ENPP3: variants seen among roughly 807,000 people sequenced by gnomAD.
ENPP3 encodes ectonucleotide pyrophosphatase/phosphodiesterase family member 3.
Under a neutral mutation model 117.8 loss-of-function variants are expected in ENPP3, and 104 were observed. The observed-to-expected ratio is 0.88, with a 90% CI of 0.75 to 1.04. The LOEUF (loss-of-function observed/expected upper bound fraction) is 1.04. ENPP3 is among the 50% of genes least tolerant of loss of function. The pLI, the probability that ENPP3 is intolerant of heterozygous loss-of-function variation, is 0.00. For synonymous variants in ENPP3, 380 were observed against 349.9 expected (o/e 1.09, Z -0.96); for missense variants, 1,026 against 1,051.9 (o/e 0.98, Z 0.34).
rs532663492 is a variant in ENPP3 at position 131,730,184 on chromosome 6, A to G, written c.1954-3404A>G. Among the ~76,000 whole-genome samples, 20 of 152,320 alleles carry G rather than the reference A, an allele frequency of 1.3e-4. No homozygotes were observed. In the South Asian group the frequency reaches 3.7e-3, roughly 28 times the overall value. On this transcript the variant is annotated intron_variant, in intron 20 of 24. Transcript: ENST00000357639. ...GAGTACAACGATAAAGATGTGTGTT[A>G]GGAAATATCAAACTCACAATATACC...
chr6:131,726,797 T>C (rs1430252854), intron 20 of ENPP3, among the ~76,000 whole-genome samples: 1 of 152,164 alleles, frequency 6.6e-6, no homozygotes, highest in Non-Finnish European at 1.5e-5. Context: ...TCTGGCATAT[T>C]CTCTTGCACT....
chr6:131,654,739 G>A (rs1182520623), intron 5 of ENPP3, among the ~76,000 whole-genome samples: 2 of 151,104 alleles, frequency 1.3e-5, no homozygotes, highest in African/African-American at 4.9e-5. Flanking sequence ...TGCTGTGTCT[G>A]GCCCAGTGGA....
At chr6:131,745,320 G>C (rs368692897) in intron 24 of ENPP3, among the ~76,000 whole-genome samples, 3 of 151,484 alleles carry the variant, frequency 2.0e-5, no homozygotes, top group African/African-American at 7.3e-5. Flanking sequence ...TGCTTTAATG[G>C]TTAGGAACAA....
intron 14 of ENPP3, among the ~76,000 whole-genome samples, chr6:131,686,328 G>A (rs565353018): frequency 6.8e-4 from 104 of 152,090 alleles, no homozygotes; most frequent in African/African-American, 2.3e-3. Context: ...AACTGCTTTC[G>A]ATTGGTTCCC....
intron 16 of ENPP3, 52 bp downstream of exon 16, chr6:131,718,790 T>A: frequency 9.2e-7 from 1 of 1,086,492 alleles, no homozygotes; most frequent in Non-Finnish European, 1.4e-6. Context: ...GGGGTACATG[T>A]ACAGAATGTG....
chr6:131,706,697 C>CT lies in ENPP3; in HGVS notation c.1413-11974dup, dbSNP rs1779645456. On this transcript the variant is annotated intron_variant, in intron 15 of 24. Transcript: ENST00000357639. ...TTTATTATGCATCAACTGATATAAT[C>CT]TAACTTTCCTTCTTTTGTTTGTTAA... is the stretch of plus-strand genomic sequence containing the variant. Among the ~76,000 whole-genome samples, 31 of 130,138 alleles carry CT rather than the reference C, an allele frequency of 2.4e-4. 1 individual carries two copies. The highest frequency in any genetic ancestry group is 1.0e-4 in the Non-Finnish European group (6 of 59,460). 85.4% of individuals were successfully genotyped at this position (130,138 alleles called of 152,430 possible).
intron 6 of ENPP3, among the ~76,000 whole-genome samples, chr6:131,667,092 A>C (rs1028824357): frequency 6.6e-6 from 1 of 152,170 alleles, no homozygotes; most frequent in Non-Finnish European, 1.5e-5. Flanking sequence ...TCCCCAGAGA[A>C]AAGTTGGGGT....
intron 6 of ENPP3, among the ~76,000 whole-genome samples, chr6:131,663,906 C>A (rs1041555176): frequency 2.6e-5 from 4 of 152,046 alleles, no homozygotes; most frequent in African/African-American, 9.7e-5. Context: ...ATACTATACT[C>A]TTTTCAAAAG....
intron 5 of ENPP3, among the ~76,000 whole-genome samples, chr6:131,653,306 T>C (rs1050113108): frequency 7.1e-6 from 1 of 140,242 alleles, no homozygotes; most frequent in African/African-American, 2.9e-5. Flanking sequence ...TTTTTTATTT[T>C]TCTCTCTTTT....
chr6:131,673,698 AAGACAGAC>A (rs57685956), intron 7 of ENPP3, among the ~76,000 whole-genome samples: 26 of 151,088 alleles, frequency 1.7e-4, no homozygotes, highest in Admixed American at 9.2e-4. Flanking sequence ...AGAGAAAGAA[AAGACAGAC>A]AGACAGACAG....
At chr6:131,685,600 C>T in intron 13 of ENPP3, 105 bp downstream of exon 13, 1 of 1,104,534 alleles carries the variant, frequency 9.1e-7, no homozygotes, top group Non-Finnish European at 1.3e-6. Flanking sequence ...CCTCTACTGA[C>T]TTCTTGAGAA....
chr6:131,686,534 G>C (rs1779157808), intron 14 of ENPP3, among the ~76,000 whole-genome samples: 1 of 151,994 alleles, frequency 6.6e-6, no homozygotes, highest in Admixed American at 6.6e-5. Context: ...CAACTTTCAT[G>C]TTAGATACAG....
Position 131,747,158 on chromosome 6 carries a change from G to A in ENPP3, c.*202G>A, listed in dbSNP as rs562753416. The A allele has an allele frequency of 2.7e-6, 1 of 372,918 alleles. No individual in the cohort carries two copies. The highest frequency in any genetic ancestry group is 6.3e-5 in the South Asian group (1 of 15,988). 23.1% of individuals were successfully genotyped at this position (372,918 alleles called of 1,614,324 possible). ...TTTAAAGTTATATTTTTCACACAGA[G>A]ATGATGCTATATTACACCTTCCCTT... is the stretch of plus-strand genomic sequence containing the variant. On this transcript the variant is annotated 3_prime_UTR_variant, in exon 25 of 25. Coordinates refer to ENST00000357639, the MANE Select transcript of ENPP3 (RefSeq NM_005021.5).
intron 8 of ENPP3, 47 bp from the exon 9 acceptor site, chr6:131,675,033 T>C (rs1357946725): frequency 1.8e-6 from 2 of 1,120,270 alleles, no homozygotes; most frequent in Non-Finnish European, 2.7e-6. Context: ...ACACCATTTC[T>C]ACCCAAAGTA....
intron 1 of ENPP3, among the ~76,000 whole-genome samples, chr6:131,641,066 C>T (rs1778029584): frequency 6.6e-6 from 1 of 152,036 alleles, no homozygotes; most frequent in Admixed American, 6.5e-5. Flanking sequence ...AAGGATTTAA[C>T]AGTTCTGCAA....
intron 15 of ENPP3, chr6:131,701,359 C>A: frequency 1.2e-6 from 2 of 1,613,700 alleles, no homozygotes; most frequent in Non-Finnish European, 1.7e-6. Context: ...ACGGGAAATC[C>A]CAGTAGGAGG....
intron 15 of ENPP3, among the ~76,000 whole-genome samples, chr6:131,697,915 G>T (rs1779444886): frequency 6.6e-6 from 1 of 152,154 alleles, no homozygotes; most frequent in Non-Finnish European, 1.5e-5. Context: ...CAGCCCCAAG[G>T]GAGCCCATGA....
intron 7 of ENPP3, among the ~76,000 whole-genome samples, chr6:131,673,951 T>G (rs1778806710): frequency 6.6e-6 from 1 of 152,086 alleles, no homozygotes. Context: ...TCTTCTGATT[T>G]TGGTACCTGA....
intron 18 of ENPP3, among the ~76,000 whole-genome samples, chr6:131,723,827 T>TCTCACACACA (rs367662326): frequency 1.8e-3 from 260 of 145,926 alleles, no homozygotes; most frequent in African/African-American, 6.1e-3. Context: ...TCTCTCTCTC[T>TCTCACACACA]CACACACACA....
Sources: gnomAD v4.1 joint callset for allele counts (sites outside exome capture counted in the v4.1 genomes callset) on GRCh38, gnomAD v4.1.1 for gene constraint, MANE v1.5 for transcripts, NCBI Gene and HGNC (gene_info 2026-07-23, HGNC 2026-07-21) for gene names.